TRIP4: variants seen among roughly 807,000 people sequenced by gnomAD.
TRIP4 encodes the protein thyroid hormone receptor interactor 4.
TRIP4 carries 54 observed loss-of-function variants against 81.8 expected under a neutral mutation model. That is an observed-to-expected ratio of 0.66 (90% CI 0.53 to 0.83). The LOEUF (loss-of-function observed/expected upper bound fraction) is 0.83. Among genes scored for constraint, TRIP4 ranks in the 40% least tolerant of loss-of-function variants. The pLI is 0.00. For missense variants in TRIP4, 662 were observed against 683.6 expected, an observed-to-expected ratio of 0.97 and a Z score of 0.35; for synonymous variants, 270 against 242.8, an observed-to-expected ratio of 1.11 and a Z score of -1.04.
chr15:64,388,308 A>AT (rs1900012345), intron 1 of TRIP4, among the ~76,000 whole-genome samples: 2 of 151,902 alleles, frequency 1.3e-5, no homozygotes, highest in East Asian at 1.9e-4. Context: ...TTATTTATTT[A>AT]TTATTATTGT....
At chr15:64,451,612 T>C (rs1031578054) in intron 12 of TRIP4, among the ~76,000 whole-genome samples, 1 of 150,942 alleles carries the variant, frequency 6.6e-6, no homozygotes, top group Non-Finnish European at 1.5e-5. Context: ...GCTGGGACTA[T>C]AGGCCTGCAC....
intron 5 of TRIP4, among the ~76,000 whole-genome samples, chr15:64,401,959 C>A (rs770664439): frequency 6.6e-6 from 1 of 152,060 alleles, no homozygotes; most frequent in East Asian, 1.9e-4. Context: ...ATATATATGA[C>A]GACTAATTGC....
At chr15:64,443,865 A>G (rs751144447) in intron 11 of TRIP4, among the ~76,000 whole-genome samples, 2 of 152,118 alleles carry the variant, frequency 1.3e-5, no homozygotes, top group Non-Finnish European at 2.9e-5. Flanking sequence ...TTAAAAAAAA[A>G]CAAAACAAAA....
intron 7 of TRIP4, among the ~76,000 whole-genome samples, chr15:64,413,270 T>C (rs1891810365): frequency 1.3e-5 from 2 of 151,756 alleles, no homozygotes; most frequent in Admixed American, 1.3e-4. Context: ...CGCCTTGAAC[T>C]CCTGGGCTCA....
At chr15:64,400,528 T>C (rs77891301) in intron 4 of TRIP4, among the ~76,000 whole-genome samples, 133 of 150,710 alleles carry the variant, frequency 8.8e-4, no homozygotes, top group African/African-American at 3.0e-3. Flanking sequence ...TGCAGTGATA[T>C]AAGTTTTTTG....
intron 10 of TRIP4, among the ~76,000 whole-genome samples, chr15:64,424,560 C>T (rs375466934): frequency 1.5e-4 from 23 of 152,230 alleles, no homozygotes; most frequent in South Asian, 6.2e-4. Flanking sequence ...ATTTAAGCAA[C>T]GTATTTTGGG....
intron 12 of TRIP4, among the ~76,000 whole-genome samples, chr15:64,454,360 G>T (rs2140320206): frequency 6.6e-6 from 1 of 152,230 alleles, no homozygotes; most frequent in South Asian, 2.1e-4. Context: ...AGAGGTCAGA[G>T]ACCACATCAG....
intron 11 of TRIP4, among the ~76,000 whole-genome samples, chr15:64,431,848 T>TATATATATATATA (rs879733141): frequency 3.6e-4 from 3 of 8,270 alleles, no homozygotes; most frequent in African/African-American, 4.4e-4. Context: ...TATATATATA[T>TATATATATATATA]TTTTTTTATC....
intron 11 of TRIP4, among the ~76,000 whole-genome samples, chr15:64,429,969 C>T (rs1180980230): frequency 6.6e-6 from 1 of 152,136 alleles, no homozygotes; most frequent in Non-Finnish European, 1.5e-5. Context: ...TTACTTCTGA[C>T]CTCACATTCT....
chr15:64,445,488 A>G (rs1405479013), intron 12 of TRIP4, among the ~76,000 whole-genome samples: 2 of 151,656 alleles, frequency 1.3e-5, no homozygotes, highest in Non-Finnish European at 2.9e-5. Flanking sequence ...AAAAAAAAAA[A>G]AAAATTAGCT....
chr15:64,388,109 C>T, intron 1 of TRIP4, 145 bp downstream of exon 1: 3 of 1,309,772 alleles, frequency 2.3e-6, no homozygotes, highest in Non-Finnish European at 2.0e-6. Flanking sequence ...CGAATTTTGG[C>T]CTCCACCTTT....
intron 10 of TRIP4, among the ~76,000 whole-genome samples, chr15:64,424,552 T>G (rs1438171678): frequency 2.0e-5 from 3 of 152,204 alleles, no homozygotes; most frequent in Non-Finnish European, 2.9e-5. Flanking sequence ...GTTGATTGAT[T>G]TAAGCAACGT....
At position 64,387,909 on chromosome 15, in the gene TRIP4, T is replaced by G; in HGVS notation, c.46T>G (p.Cys16Gly). 1.3e-6 allele frequency: 2 copies of G among 1,550,648 alleles called. No homozygotes were observed. Among genetic ancestry groups the G allele is most frequent in the Non-Finnish European group, 1.7e-6 (2 of 1,147,092 alleles). Residue 16 changes from cysteine to glycine, a missense_variant, in exon 1 of 13, where the codon TGC (cysteine) becomes GGC (glycine). By Grantham distance (159) the Cys-to-Gly change is radical. Transcript: ENST00000261884. The stretch of plus-strand genomic sequence containing the variant: ...GTCCGGGGAGCCGCTGGTGCACTGG[T>G]GCACCCAGCAGTTGCGGAAGACTTT... The part of the protein sequence containing the change: ...AVSGEPLVHW[C>G]TQQLRKTFGL...
chr15:64,445,003 C>T lies in TRIP4; in HGVS notation c.1576-3C>T, dbSNP rs1416349965. On this transcript the variant is annotated splice_region_variant and splice_polypyrimidine_tract_variant and intron_variant, in intron 11 of 12. Coordinates refer to ENST00000261884, the MANE Select transcript of TRIP4 (RefSeq NM_016213.5). The stretch of plus-strand genomic sequence containing the variant: ...CTGAACTTTTTATTTTTATATTTCA[C>T]AGTTTCCAGACATCAGTCAAGAGTC... The T allele has an allele frequency of 5.4e-6, 8 of 1,477,460 alleles. No homozygotes were observed. In the South Asian group the frequency reaches 8.3e-5, roughly 15 times the overall value. 91.5% of individuals were successfully genotyped at this position (1,477,460 alleles called of 1,614,324 possible).
intron 9 of TRIP4, among the ~76,000 whole-genome samples, chr15:64,422,406 T>G (rs1183112748): frequency 6.6e-6 from 1 of 152,226 alleles, no homozygotes; most frequent in Admixed American, 6.5e-5. Context: ...TTTGGTAGTT[T>G]CACTATTAGC....
At chr15:64,415,457 G>GA (rs1891873733) in intron 8 of TRIP4, among the ~76,000 whole-genome samples, 1 of 152,154 alleles carries the variant, frequency 6.6e-6, no homozygotes, top group Non-Finnish European at 1.5e-5. Flanking sequence ...CGAAATCAAG[G>GA]TGTTGGAAAG....
chr15:64,395,420 A>G lies in TRIP4; in HGVS notation c.294A>G (p.Ser98=), dbSNP rs755961093. The G allele has an allele frequency of 2.2e-5, 35 of 1,610,506 alleles. No homozygotes were observed. Among genetic ancestry groups the G allele is most frequent in the Non-Finnish European group, 2.3e-5 (27 of 1,178,968 alleles). The change falls in exon 3 of 13, where the codon TCA becomes TCG. Residue 98 remains serine (S), a synonymous_variant. Coordinates refer to ENST00000261884, the MANE Select transcript of TRIP4 (RefSeq NM_016213.5). ...KKDEILDGQK[S]GDHLKRGRKK... The stretch of plus-strand genomic sequence containing the variant: ...AAGAAATTTTAGATGGGCAGAAATC[A>G]GGCGACCATCTAAAGCGGGGTAGGA...
chr15:64,444,238 CAT>C (rs1278907528), intron 11 of TRIP4, among the ~76,000 whole-genome samples: 2 of 152,152 alleles, frequency 1.3e-5, no homozygotes, highest in Non-Finnish European at 2.9e-5. Context: ...AAACATAAGA[CAT>C]AGTAAGATAG....
rs1236413949 is a variant in TRIP4 at position 64,414,107 on chromosome 15, A to G, written c.1066A>G (p.Ile356Val). 6.2e-6 allele frequency: 10 copies of G among 1,614,184 alleles called. No individual in the cohort carries two copies. The highest frequency in any genetic ancestry group is 5.5e-5 in the South Asian group (5 of 91,086). Residue 356 changes from isoleucine to valine, a missense_variant, in exon 8 of 13, where the codon ATT (isoleucine) becomes GTT (valine). By Grantham distance (29) the Ile-to-Val change is conservative. Transcript: ENST00000261884. ...CAGACTAGATGAGACAATACAGGCC[A>G]TTGCCAATGGAACCTTGAACCAGCC... ...HSRLDETIQA[I>V]ANGTLNQPLT...
Sources: allele counts gnomAD v4.1 joint callset (sites outside exome capture counted in the v4.1 genomes callset), GRCh38; gene constraint gnomAD v4.1.1; transcripts MANE v1.5; gene names NCBI Gene and HGNC (gene_info 2026-07-23, HGNC 2026-07-21).